Variants in ZNF709 observed in about 807,000 individuals in gnomAD.
ZNF709 encodes zinc finger protein 709.
Under a neutral mutation model 10.6 loss-of-function variants are expected in ZNF709, and 15 were observed. The observed-to-expected ratio is 1.41, with a 90% confidence interval of 0.95 to 2.18. The LOEUF is 2.18. ZNF709 is among the 30% of genes most tolerant of loss of function. The probability of loss-of-function intolerance (pLI) is 0.00; values close to 1 mark genes in which losing one functional copy is unlikely to be tolerated. For synonymous variants in ZNF709, 194 were observed against 238.8 expected (o/e 0.81, Z 1.73); for missense variants, 589 against 774.0 (o/e 0.76, Z 2.84).
rs1268483553 is a variant in ZNF709 at position 12,464,599 on chromosome 19, A to C, written c.1323T>G (p.Thr441=). 1 of 1,612,328 alleles carries C rather than the reference A, an allele frequency of 6.2e-7. No homozygotes were observed. The change falls in exon 4 of 4, where the codon ACT becomes ACG. Residue 441 remains threonine, a synonymous_variant. Transcript: ENST00000397732. Reference sequence around the variant, plus strand: ...ATTCATAGGGTTTCTCTCCAGTGTGAGTCCTTTCATGTATTCGAACAGAAC... The same window carrying C: ...ATTCATAGGGTTTCTCTCCAGTGTGCGTCCTTTCATGTATTCGAACAGAAC... The part of the protein sequence containing the change: ...CSSSVRIHER[T]HTGEKPYECK...
chr19:12,476,760 G>C (rs763067424), intron 1 of ZNF709, among the ~76,000 whole-genome samples: 3 of 152,222 alleles, frequency 2.0e-5, no homozygotes, highest in Non-Finnish European at 4.4e-5. Context: ...GTCAGGGATG[G>C]AGCGGCCCTC....
intron 1 of ZNF709, among the ~76,000 whole-genome samples, chr19:12,481,585 G>A (rs1385247367): frequency 1.3e-5 from 2 of 151,800 alleles, no homozygotes; most frequent in African/African-American, 2.4e-5. Context: ...CCTTTCAATC[G>A]ACTTACATTT....
chr19:12,479,055 T>C (rs370597073), intron 1 of ZNF709, among the ~76,000 whole-genome samples: 68 of 152,312 alleles, frequency 4.5e-4, no homozygotes, highest in Middle Eastern at 6.8e-3. Flanking sequence ...ATAACACCAG[T>C]GCTTTGACAG....
rs566992507 is a variant in ZNF709 at position 12,479,198 on chromosome 19, G to A, written c.3+5457C>T. Among the ~76,000 whole-genome samples, 283 of 152,246 alleles carry A rather than the reference G, an allele frequency of 1.9e-3. 1 individual carries two copies. The highest frequency in any genetic ancestry group is 3.2e-3 in the Non-Finnish European group (220 of 68,010). On this transcript the variant is annotated intron_variant, in intron 1 of 3. Coordinates refer to ENST00000397732, the MANE Select transcript of ZNF709 (RefSeq NM_152601.4). ...CACACCTGTAGTCCCAGCTACTGAA[G>A]AGGCTGAGGTGGGAAGATCACTTGA...
rs762137185 is a variant in ZNF709, at chr19:12,484,692, A to T, written c.-35T>A. The T allele has an allele frequency of 2.5e-5, 40 of 1,613,198 alleles. No homozygotes were observed. Among genetic ancestry groups the T allele is most frequent in the Non-Finnish European group, 3.3e-5 (39 of 1,179,764 alleles). On this transcript the variant is annotated 5_prime_UTR_variant, in exon 1 of 4. Coordinates refer to ENST00000397732, the MANE Select transcript of ZNF709 (RefSeq NM_152601.4). Reference sequence around the variant, plus strand: ...TCTGGGATGTCCTGGTGTTCTGTTTACCTCTCCCGCGGCCAGCACAGGTCC... The same window carrying T: ...TCTGGGATGTCCTGGTGTTCTGTTTTCCTCTCCCGCGGCCAGCACAGGTCC...
At chr19:12,473,905 G>T (rs185015081) in intron 1 of ZNF709, among the ~76,000 whole-genome samples, 92 of 152,290 alleles carry the variant, frequency 6.0e-4, no homozygotes, top group African/African-American at 1.9e-3. Flanking sequence ...TCTTAGGTGG[G>T]TGTGGTGGCA....
At chr19:12,475,257 TAAAAAAAAAA>T (rs71166684) in intron 1 of ZNF709, among the ~76,000 whole-genome samples, 4 of 44,732 alleles carry the variant, frequency 8.9e-5, no homozygotes, top group Non-Finnish European at 1.3e-4. Context: ...GATTCCGTCT[TAAAAAAAAAA>T]AAAAAAAAAA....
intron 1 of ZNF709, among the ~76,000 whole-genome samples, chr19:12,471,556 T>C (rs1379217412): frequency 1.3e-5 from 2 of 152,184 alleles, no homozygotes; most frequent in Non-Finnish European, 1.5e-5. Flanking sequence ...TTGCCTAGTA[T>C]GTATCAAGGA....
intron 1 of ZNF709, among the ~76,000 whole-genome samples, chr19:12,471,363 G>C (rs762312789): frequency 3.9e-4 from 60 of 152,140 alleles, no homozygotes; most frequent in Non-Finnish European, 7.9e-4. Context: ...AGATGCCACT[G>C]CTCCCAAATG....
At chr19:12,470,753 C>T (rs1970627979) in intron 1 of ZNF709, among the ~76,000 whole-genome samples, 1 of 151,912 alleles carries the variant, frequency 6.6e-6, no homozygotes, top group Admixed American at 6.6e-5. Flanking sequence ...CAGTGAAACC[C>T]CGTCTGTACT....
chr19:12,469,948 C>T (rs1970621218), intron 1 of ZNF709, among the ~76,000 whole-genome samples: 1 of 152,100 alleles, frequency 6.6e-6, no homozygotes. Flanking sequence ...TTTCAATTTG[C>T]AAGGGAGTTC....
chr19:12,467,143 C>T (rs1459015762), intron 1 of ZNF709, among the ~76,000 whole-genome samples: 3 of 152,180 alleles, frequency 2.0e-5, no homozygotes, highest in African/African-American at 2.4e-5. Flanking sequence ...CCTCTCCCCA[C>T]GGTCTCCCTC....
At position 12,463,646 on chromosome 19, in the gene ZNF709, G is replaced by A. The variant is rs1177460118; in HGVS notation, c.*350C>T. 3 of 176,230 alleles carry A rather than the reference G, an allele frequency of 1.7e-5. No homozygotes were observed. Among genetic ancestry groups the A allele is most frequent in the African/African-American group, 7.1e-5 (3 of 42,486 alleles). 10.9% of individuals were successfully genotyped at this position (176,230 alleles called of 1,614,324 possible). A position where few individuals can be genotyped will look rare whatever the true frequency, so the allele number is the denominator to read the frequency against. On this transcript the variant is annotated 3_prime_UTR_variant, in exon 4 of 4. Coordinates refer to ENST00000397732, the MANE Select transcript of ZNF709 (RefSeq NM_152601.4). ...TTTCATGTCTTCAAAAGGAAATGGGGGCCGGGTGTGGTGGCTCACACCTGT... is the reference window on the plus strand; with the variant it reads ...TTTCATGTCTTCAAAAGGAAATGGGAGCCGGGTGTGGTGGCTCACACCTGT...
chr19:12,484,771 C>A lies in ZNF709; in HGVS notation c.-114G>T. The A allele has an allele frequency of 6.9e-7, 1 of 1,446,172 alleles. No individual in the cohort carries two copies. The allele number at this position is 1,446,172 out of a possible 1,614,324, so 89.6% of individuals were successfully genotyped here. ...TGAGGGCCTTCTGGGGTGAGGAGACCCCAGAGCGGAGCGCAGCGGCTGGTA... is the reference window on the plus strand; with the variant it reads ...TGAGGGCCTTCTGGGGTGAGGAGACACCAGAGCGGAGCGCAGCGGCTGGTA... On this transcript the variant is annotated 5_prime_UTR_variant, in exon 1 of 4. Coordinates refer to ENST00000397732, the MANE Select transcript of ZNF709 (RefSeq NM_152601.4).
chr19:12,465,672 T>C lies in ZNF709; in HGVS notation c.250A>G (p.Ser84Gly), dbSNP rs1970564181. 1 of 1,610,572 alleles carries C rather than the reference T, an allele frequency of 6.2e-7. No homozygotes were observed. Residue 84 changes from serine to glycine, a missense_variant, in exon 4 of 4, where the codon AGT becomes GGT. This residue lies in a region of ZNF709 where 418 missense variants were observed against 496.3 expected (regional missense o/e 0.84). Coordinates refer to ENST00000397732, the MANE Select transcript of ZNF709 (RefSeq NM_152601.4). ...KEGSQFGETISQTPNPKPNKK... is the reference protein window; with the variant it reads ...KEGSQFGETIGQTPNPKPNKK... ...TTTGGTTTAGGATTTGGAGTCTGAC[T>C]GATGGTTTCTCCAAACTGACTACCT...
Position 12,465,732 on chromosome 19 carries a change from T to C in ZNF709, c.190A>G (p.Ser64Gly), listed in dbSNP as rs761784362. Residue 64 changes from serine (S) to glycine (G), a missense_variant and splice_region_variant, in exon 4 of 4, where the codon AGT (serine) becomes GGT (glycine). Physicochemically the swap from Ser to Gly is moderately conservative, Grantham distance 56. Transcript: ENST00000397732. ...TCACAGAGCCTCTCTACCATATGAC[T>C]TCTGTGAGAAAAAAACAAAACAAAA... Reference protein sequence around the residue: ...DHKNQGRKLRSHMVERLCERK... With the variant: ...DHKNQGRKLRGHMVERLCERK... 1 of 1,507,194 alleles carries C rather than the reference T, an allele frequency of 6.6e-7. No homozygotes were observed. The highest frequency in any genetic ancestry group is 1.4e-5 in the South Asian group (1 of 71,046). 93.4% of individuals were successfully genotyped at this position (1,507,194 alleles called of 1,614,324 possible).
At chr19:12,469,663 G>A (rs1970618492) in intron 1 of ZNF709, among the ~76,000 whole-genome samples, 1 of 151,998 alleles carries the variant, frequency 6.6e-6, no homozygotes, top group African/African-American at 2.4e-5. Flanking sequence ...CAGCTACTCA[G>A]GAGGCTGAGG....
rs1164521346 is a variant in ZNF709 at position 12,464,360 on chromosome 19, A to G, written c.1562T>C (p.Met521Thr). 1.9e-6 allele frequency: 3 copies of G among 1,612,286 alleles called. No individual in the cohort carries two copies. In the African/African-American group the frequency reaches 4.0e-5, roughly 22 times the overall value. The change falls in exon 4 of 4, where the codon ATG (methionine) becomes ACG (threonine). Residue 521 changes from methionine (M) to threonine (T), a missense_variant. By Grantham distance (81) the Met-to-Thr change is moderately conservative. This residue lies in a region of ZNF709 where 171 missense variants were observed against 277.7 expected (regional missense o/e 0.62). Coordinates refer to ENST00000397732, the MANE Select transcript of ZNF709 (RefSeq NM_152601.4). ...CTCCCCAGTGTGAGTCCTTTCATGC[A>G]TTCGAAAGGAACTGGAACAACTGAA... ...KAFSCSSSFRMHERTHTGEKP... is the reference protein window; with the variant it reads ...KAFSCSSSFRTHERTHTGEKP...
At chr19:12,469,893 A>G (rs2144994753) in intron 1 of ZNF709, among the ~76,000 whole-genome samples, 1 of 152,296 alleles carries the variant, frequency 6.6e-6, no homozygotes, top group Non-Finnish European at 1.5e-5. Context: ...CAGAAACCTA[A>G]CAGTGTACCC....
Sources: allele counts gnomAD v4.1 joint callset (sites outside exome capture counted in the v4.1 genomes callset), GRCh38; gene constraint gnomAD v4.1.1; regional missense constraint gnomAD v4.1.1; transcripts MANE v1.5; gene names NCBI Gene and HGNC (gene_info 2026-07-23, HGNC 2026-07-21).